The following BCAR3 variants were observed in gnomAD, a reference collection of about 807,000 sequenced individuals.
BCAR3 encodes the protein BCAR3 adaptor protein, NSP family member.
BCAR3 carries 37 observed loss-of-function variants against 80.1 expected under a neutral mutation model. That is an observed-to-expected ratio of 0.46 (90% CI 0.36 to 0.61). BCAR3 has a LOEUF of 0.61. BCAR3 is among the 20% of genes least tolerant of loss of function. The probability of loss-of-function intolerance (pLI) is 0.00; values close to 1 mark genes in which losing one functional copy is unlikely to be tolerated. For missense variants in BCAR3, 978 were observed against 1,068.2 expected (o/e 0.92, Z 1.18); for synonymous variants, 389 against 418.9 (o/e 0.93, Z 0.87).
intron 2 of BCAR3, among the ~76,000 whole-genome samples, chr1:93,797,619 CAAGT>C: frequency 6.6e-6 from 1 of 152,014 alleles, no homozygotes; most frequent in East Asian, 1.9e-4. Context: ...AGCCTGGGGC[CAAGT>C]AATAGGAAAA....
intron 5 of BCAR3, among the ~76,000 whole-genome samples, chr1:93,587,973 T>C (rs1481240130): frequency 1.3e-5 from 2 of 152,136 alleles, no homozygotes; most frequent in Admixed American, 6.5e-5. Context: ...TTTTGAAGCC[T>C]TGATTTTCCA....
rs944747328 is a variant in BCAR3 at position 93,801,858 on chromosome 1, G to A, written c.-63+43709C>T. Among the ~76,000 whole-genome samples, 5 of 152,332 alleles carry A rather than the reference G, an allele frequency of 3.3e-5. No homozygotes were observed. The East Asian group carries it at 9.6e-4, about 29-fold the overall frequency. On this transcript the variant is annotated intron_variant, in intron 2 of 13. Transcript: ENST00000370244. Reference sequence around the variant, plus strand: ...AAATTGGCCAGGCGCAGTGGCTCATGTCTGTAATCCCAGCACTTTGGGAGG... The same window carrying A: ...AAATTGGCCAGGCGCAGTGGCTCATATCTGTAATCCCAGCACTTTGGGAGG...
intron 2 of BCAR3, among the ~76,000 whole-genome samples, chr1:93,666,262 A>T (rs917257869): frequency 6.6e-6 from 1 of 152,264 alleles, no homozygotes; most frequent in African/African-American, 2.4e-5. Context: ...GGGTAATTTT[A>T]AATTTTCTGA....
chr1:93,621,236 T>A (rs529619753), intron 3 of BCAR3, among the ~76,000 whole-genome samples: 141 of 152,360 alleles, frequency 9.3e-4, no homozygotes, highest in African/African-American at 3.3e-3. Context: ...AAGCTGATCA[T>A]GGGCATTACC....
intron 3 of BCAR3, among the ~76,000 whole-genome samples, chr1:93,601,464 T>C (rs1016328518): frequency 9.2e-5 from 14 of 152,230 alleles, no homozygotes; most frequent in African/African-American, 3.1e-4. Flanking sequence ...GCAGGCATAC[T>C]GTCGCTTGGT....
intron 2 of BCAR3, among the ~76,000 whole-genome samples, chr1:93,778,250 A>G (rs1652644095): frequency 6.6e-6 from 1 of 152,230 alleles, no homozygotes; most frequent in African/African-American, 2.4e-5. Context: ...CATTGTTTCT[A>G]GGCCTTAATA....
intron 2 of BCAR3, among the ~76,000 whole-genome samples, chr1:93,831,530 T>C (rs1229015466): frequency 1.3e-5 from 2 of 152,200 alleles, no homozygotes; most frequent in Non-Finnish European, 2.9e-5. Flanking sequence ...AGGTGCCTGA[T>C]GTCCAGGCAT....
intron 3 of BCAR3, among the ~76,000 whole-genome samples, chr1:93,613,482 G>T (rs1034590903): frequency 6.6e-6 from 1 of 152,192 alleles, no homozygotes; most frequent in Non-Finnish European, 1.5e-5. Context: ...GATAAACAGA[G>T]AAAAGGGCTC....
chr1:93,737,752 G>A (rs543303400), intron 2 of BCAR3, among the ~76,000 whole-genome samples: 68 of 152,326 alleles, frequency 4.5e-4, no homozygotes, highest in African/African-American at 1.5e-3. Context: ...ATTGGAGAAA[G>A]AGTGAGGTAT....
intron 2 of BCAR3, among the ~76,000 whole-genome samples, chr1:93,841,701 CG>C (rs1654966827): frequency 6.6e-6 from 1 of 152,208 alleles, no homozygotes; most frequent in Non-Finnish European, 1.5e-5. Flanking sequence ...CTTCCCCTTT[CG>C]GGACCAGATC....
upstream of BCAR3, among the ~76,000 whole-genome samples, chr1:93,683,175 G>A (rs1164713457): frequency 6.6e-6 from 1 of 152,130 alleles, no homozygotes; most frequent in East Asian, 1.9e-4. Context: ...AAAACAGGCA[G>A]AATATTTCAA....
chr1:93,638,773 C>G (rs1266540167), intron 3 of BCAR3, among the ~76,000 whole-genome samples: 2 of 152,010 alleles, frequency 1.3e-5, no homozygotes, highest in Non-Finnish European at 1.5e-5. Context: ...GAATCAATTA[C>G]GTTTGACCAC....
rs1379013880 is a variant in BCAR3 at position 93,586,236 on chromosome 1, A to G, written c.930-2115T>C. Among the ~76,000 whole-genome samples, 1 of 149,780 alleles carries G rather than the reference A, an allele frequency of 6.7e-6. No individual in the cohort carries two copies. The highest frequency in any genetic ancestry group is 2.1e-4 in the South Asian group (1 of 4,654). On this transcript the variant is annotated intron_variant, in intron 5 of 11. Coordinates refer to ENST00000260502, the MANE Select transcript of BCAR3 (RefSeq NM_003567.4). The surrounding 1 kb of genome is among the most constrained non-coding windows in gnomAD (Gnocchi z 4.2). ...CTACCCTTCCCAGGCTCTGCTAACC[A>G]TCCTTCTACTCTCTGTGTCCAAGAA...
intron 7 of BCAR3, among the ~76,000 whole-genome samples, chr1:93,578,328 C>T (rs1673540560): frequency 6.6e-6 from 1 of 152,194 alleles, no homozygotes; most frequent in African/African-American, 2.4e-5. Context: ...ATCAGATCTG[C>T]ACCCAACTCA....
At chr1:93,562,544 T>A in intron 11 of BCAR3, 125 bp from the exon 12 acceptor site, 1 of 723,226 alleles carries the variant, frequency 1.4e-6, no homozygotes, top group Non-Finnish European at 2.2e-6. Flanking sequence ...CCGAGGTGGG[T>A]GGATCACAAG....
At chr1:93,574,646 C>T (rs1673373778) in intron 8 of BCAR3, among the ~76,000 whole-genome samples, 1 of 152,200 alleles carries the variant, frequency 6.6e-6, no homozygotes, top group African/African-American at 2.4e-5. Context: ...GCCTTTCAGG[C>T]TGAAATGTCT....
chr1:93,809,524 T>C, intron 2 of BCAR3, among the ~76,000 whole-genome samples: 1 of 152,010 alleles, frequency 6.6e-6, no homozygotes, highest in Non-Finnish European at 1.5e-5. Context: ...TCCCAGCACT[T>C]TGGGAGGCCG....
chr1:93,569,556 A>T (rs1260045952), intron 9 of BCAR3, among the ~76,000 whole-genome samples: 1 of 152,254 alleles, frequency 6.6e-6, no homozygotes, highest in Admixed American at 6.5e-5. Context: ...TTCTCTTGAT[A>T]CTAGAAGCTG....
At chr1:93,742,129 G>T (rs115006598) in intron 2 of BCAR3, among the ~76,000 whole-genome samples, 1 of 152,264 alleles carries the variant, frequency 6.6e-6, no homozygotes, top group Non-Finnish European at 1.5e-5. Context: ...ATTTATCCAG[G>T]GCACTGGAGA....
Sources: allele counts gnomAD v4.1 joint callset (sites outside exome capture counted in the v4.1 genomes callset), GRCh38; gene constraint gnomAD v4.1.1; non-coding constraint Gnocchi (gnomAD v3.1); transcripts MANE v1.5; gene names NCBI Gene and HGNC (gene_info 2026-07-23, HGNC 2026-07-21).